Variants in MAML3 observed in about 807,000 individuals in gnomAD.
The protein encoded by MAML3 is mastermind like transcriptional coactivator 3, also known as mastermind-like protein 3.
A neutral mutation model predicts 101.9 loss-of-function variants in MAML3; 27 were observed. The ratio of observed to expected loss-of-function variants is 0.27; its 90% confidence interval spans 0.20 to 0.37. MAML3 has a LOEUF of 0.37. Ranked by LOEUF, MAML3 falls within the 10% of genes least tolerant of loss-of-function variation. The pLI is 1.00. For missense variants in MAML3, 1,316 were observed against 1,444.9 expected, an observed-to-expected ratio of 0.91 and a Z score of 1.45; for synonymous variants, 501 against 555.9, an observed-to-expected ratio of 0.90 and a Z score of 1.39.
chr4:139,733,466 G>C (rs984306804), intron 2 of MAML3, among the ~76,000 whole-genome samples: 2 of 150,648 alleles, frequency 1.3e-5, no homozygotes, highest in East Asian at 3.9e-4. Context: ...GGAAAAGAAA[G>C]AGAGAGGCAA....
chr4:139,949,447 T>C (rs1278153747), intron 1 of MAML3, among the ~76,000 whole-genome samples: 4 of 152,182 alleles, frequency 2.6e-5, no homozygotes, highest in Non-Finnish European at 4.4e-5. Flanking sequence ...AAAAGACTAT[T>C]TCCAATGAAT....
intron 2 of MAML3, among the ~76,000 whole-genome samples, chr4:139,783,263 G>A (rs768471548): frequency 9.9e-5 from 15 of 152,180 alleles, no homozygotes; most frequent in Non-Finnish European, 1.8e-4. Flanking sequence ...CAGGCAGATG[G>A]CTAATTTCTT....
chr4:140,101,133 T>C (rs1205981915), intron 1 of MAML3, among the ~76,000 whole-genome samples: 1 of 152,086 alleles, frequency 6.6e-6, no homozygotes, highest in African/African-American at 2.4e-5. Context: ...CGACGCTACA[T>C]GGAATAGAAG....
intron 3 of MAML3, among the ~76,000 whole-genome samples, 177 bp from the exon 4 acceptor site, chr4:139,726,012 A>G (rs1181185260): frequency 6.6e-6 from 1 of 152,208 alleles, no homozygotes; most frequent in Non-Finnish European, 1.5e-5. Context: ...GTAGGTTTTC[A>G]CAAAACGAAC....
At chr4:139,976,718 T>C (rs918624752) in intron 1 of MAML3, among the ~76,000 whole-genome samples, 3 of 152,236 alleles carry the variant, frequency 2.0e-5, no homozygotes, top group African/African-American at 7.2e-5. Context: ...TAAAATTCAG[T>C]GTTTTTTAGA....
Position 140,050,017 on chromosome 4 carries a change from AT to A in MAML3, c.468+102842del, listed in dbSNP as rs368989943. On this transcript the variant is annotated intron_variant, in intron 1 of 4. Coordinates refer to ENST00000509479, the MANE Select transcript of MAML3 (RefSeq NM_018717.5). ...GCAGAGAAACATCTCTGCTAGAAAG[AT>A]TTTTTTTTCCTTTGCCTCCTTTGTG... is the stretch of plus-strand genomic sequence containing the variant. 4.3e-3 allele frequency among the ~76,000 whole-genome samples: 655 copies of A among 151,710 alleles called. 24 individuals carry two copies. In the South Asian group the frequency reaches 0.1, roughly 24 times the overall value.
At chr4:140,150,056 G>A (rs2111066115) in intron 1 of MAML3, among the ~76,000 whole-genome samples, 1 of 149,510 alleles carries the variant, frequency 6.7e-6, no homozygotes, top group South Asian at 2.1e-4. Context: ...ATGTGAAACA[G>A]CTGAAGCTAA....
chr4:139,783,980 T>C (rs1340326863), intron 2 of MAML3, among the ~76,000 whole-genome samples: 5 of 152,232 alleles, frequency 3.3e-5, no homozygotes, highest in African/African-American at 9.6e-5. Context: ...CGCTATCCTC[T>C]TTCCACCTGG....
In MAML3 at chr4:139,735,272, A is replaced by C. The variant is rs1728888385; in HGVS notation, c.2080-4605T>G. On this transcript the variant is annotated intron_variant, in intron 2 of 4. Coordinates refer to ENST00000509479, the MANE Select transcript of MAML3 (RefSeq NM_018717.5). The surrounding 1 kb of genome is among the most constrained non-coding windows in gnomAD (Gnocchi z 5.8). ...GTGACTCGAGGCCCTCTTTGCACAA[A>C]ATGAGTTCTCTCTCCATTGCCGTGT... Among the ~76,000 whole-genome samples, 1 of 152,192 alleles carries C rather than the reference A, an allele frequency of 6.6e-6. No homozygotes were observed. The highest frequency in any genetic ancestry group is 1.5e-5 in the Non-Finnish European group (1 of 68,024).
At chr4:139,980,926 A>C (rs549671450) in intron 1 of MAML3, among the ~76,000 whole-genome samples, 1 of 152,360 alleles carries the variant, frequency 6.6e-6, no homozygotes, top group Non-Finnish European at 1.5e-5. Context: ...GTTGATTTTA[A>C]GCTAAAATCT....
chr4:139,772,403 G>C (rs145413149), intron 2 of MAML3, among the ~76,000 whole-genome samples: 15,602 of 149,452 alleles, frequency 0.1, 937 homozygotes, highest in Middle Eastern at 0.17. Flanking sequence ...GTGCAGTGGC[G>C]CGATCTCGGC....
intron 1 of MAML3, among the ~76,000 whole-genome samples, chr4:139,941,157 T>C (rs1371467401): frequency 1.3e-5 from 2 of 152,272 alleles, no homozygotes. Context: ...TTTCTCTTTT[T>C]AGATTTAGCT....
intron 1 of MAML3, among the ~76,000 whole-genome samples, chr4:140,021,178 T>C (rs1726727298): frequency 6.6e-6 from 1 of 152,204 alleles, no homozygotes; most frequent in Non-Finnish European, 1.5e-5. Context: ...ATGTGTGTTA[T>C]TTAGGAGAAC....
intron 1 of MAML3, among the ~76,000 whole-genome samples, chr4:140,084,726 G>C (rs1727922935): frequency 6.6e-6 from 1 of 152,044 alleles, no homozygotes; most frequent in Non-Finnish European, 1.5e-5. Context: ...AAAAATTTTA[G>C]CAACTATTTT....
chr4:140,003,824 G>A (rs1416607253), intron 1 of MAML3, among the ~76,000 whole-genome samples: 1 of 152,136 alleles, frequency 6.6e-6, no homozygotes, highest in African/African-American at 2.4e-5. Context: ...ATCAAGGATT[G>A]GGCTCCTTGA....
intron 1 of MAML3, among the ~76,000 whole-genome samples, chr4:139,973,920 T>C (rs1334089577): frequency 2.0e-5 from 3 of 152,190 alleles, no homozygotes; most frequent in African/African-American, 7.2e-5. Flanking sequence ...AAATTTCTCA[T>C]TCTCCCATCT....
chr4:139,947,879 A>G (rs1239411023), intron 1 of MAML3, among the ~76,000 whole-genome samples: 2 of 152,134 alleles, frequency 1.3e-5, no homozygotes, highest in Non-Finnish European at 1.5e-5. Flanking sequence ...GGGTGGGCGG[A>G]TCACCTGAGG....
intron 2 of MAML3, among the ~76,000 whole-genome samples, chr4:139,738,718 A>T (rs989914990): frequency 6.7e-6 from 1 of 148,548 alleles, no homozygotes; most frequent in Non-Finnish European, 1.5e-5. Flanking sequence ...AGGTACAGAG[A>T]AAAAAAAATG....
chr4:140,045,569 C>T (rs954285055), intron 1 of MAML3, among the ~76,000 whole-genome samples: 1 of 151,992 alleles, frequency 6.6e-6, no homozygotes. Context: ...TATACCATAA[C>T]TTACACAGCT....
Sources: allele counts gnomAD v4.1 joint callset (sites outside exome capture counted in the v4.1 genomes callset), GRCh38; gene constraint gnomAD v4.1.1; non-coding constraint Gnocchi (gnomAD v3.1); transcripts MANE v1.5; gene names NCBI Gene and HGNC (gene_info 2026-07-23, HGNC 2026-07-21).